Variants in PCDHGA6 observed in about 807,000 individuals in gnomAD.
PCDHGA6 encodes protocadherin gamma-A6.
In PCDHGA6, 41 loss-of-function variants were observed where a neutral mutation model predicts 60.6. That is an observed-to-expected ratio of 0.68 (90% CI 0.53 to 0.88). PCDHGA6 has a LOEUF of 0.88. PCDHGA6 is among the 40% of genes least tolerant of loss of function. PCDHGA6 has a pLI of 0.00. For synonymous variants in PCDHGA6, 594 were observed against 524.4 expected, an observed-to-expected ratio of 1.13 and a Z score of -1.81; for missense variants, 1,312 against 1,203.0, an observed-to-expected ratio of 1.09 and a Z score of -1.34.
At chr5:141,472,980 CAAAA>C (rs60579131) in intron 1 of PCDHGA6, among the ~76,000 whole-genome samples, 3 of 86,106 alleles carry the variant, frequency 3.5e-5, no homozygotes, top group Admixed American at 1.2e-4. Context: ...GAGTGAAACT[CAAAA>C]AAAAAAAAAA....
intron 1 of PCDHGA6, chr5:141,421,165 T>C: frequency 7.7e-7 from 1 of 1,297,018 alleles, no homozygotes; most frequent in Non-Finnish European, 1.0e-6. Flanking sequence ...ACTTCATAGA[T>C]ACATAAGCCG....
chr5:141,467,321 G>A (rs2099141786), intron 1 of PCDHGA6, among the ~76,000 whole-genome samples: 2 of 152,024 alleles, frequency 1.3e-5, no homozygotes, highest in East Asian at 1.9e-4. Context: ...CCACAGTGCT[G>A]GGATTAGAGA....
chr5:141,385,024 C>T lies in PCDHGA6; in HGVS notation c.2424+8517C>T, dbSNP rs756021455. 5.6e-6 allele frequency: 9 copies of T among 1,614,158 alleles called. No individual in the cohort carries two copies. In the East Asian group the frequency reaches 1.1e-4, roughly 20 times the overall value. ...CTCCTGCGTCTTCCTAGCCTTCGTC[C>T]TCGTACTGCTGGCGCTCAGGCTGCG... On this transcript the variant is annotated intron_variant, in intron 1 of 3. Coordinates refer to ENST00000517434, the MANE Select transcript of PCDHGA6 (RefSeq NM_018919.3).
chr5:141,464,093 C>T (rs1029458289), intron 1 of PCDHGA6, among the ~76,000 whole-genome samples: 1 of 151,888 alleles, frequency 6.6e-6, no homozygotes, highest in Non-Finnish European at 1.5e-5. Context: ...GGTGAAACTC[C>T]GTCTCTACTA....
rs778308894 is a variant in PCDHGA6, at chr5:141,374,907, G to T, written c.824G>T (p.Gly275Val). Residue 275 changes from glycine to valine, a missense_variant, in exon 1 of 4, where the codon GGG becomes GTG. Physicochemically the swap from Gly to Val is moderately radical, Grantham distance 109. Transcript: ENST00000517434. Reference sequence around the variant, plus strand: ...ACCGACCAGGATGAAGGAGTCCACGGGGAAGTAACTTATTCCTTTGTGAAG... The same window carrying T: ...ACCGACCAGGATGAAGGAGTCCACGTGGAAGTAACTTATTCCTTTGTGAAG... ...TATDQDEGVH[G>V]EVTYSFVKIT... The T allele has an allele frequency of 6.2e-7, 1 of 1,613,828 alleles. No individual in the cohort carries two copies. The highest frequency in any genetic ancestry group is 8.5e-7 in the Non-Finnish European group (1 of 1,179,894).
intron 3 of PCDHGA6, 86 bp downstream of exon 3, chr5:141,505,567 T>C: frequency 6.3e-7 from 1 of 1,599,440 alleles, no homozygotes; most frequent in South Asian, 1.1e-5. Flanking sequence ...ACGGACTGGA[T>C]GTCAAACCTG....
chr5:141,462,242 G>A (rs1325040495), intron 1 of PCDHGA6, among the ~76,000 whole-genome samples: 3 of 152,234 alleles, frequency 2.0e-5, no homozygotes, highest in Non-Finnish European at 4.4e-5. Context: ...TTACAGGTAT[G>A]AGCCACCATG....
intron 1 of PCDHGA6, among the ~76,000 whole-genome samples, chr5:141,467,055 C>CTTT (rs1193465269): frequency 2.2e-5 from 3 of 134,494 alleles, no homozygotes; most frequent in Admixed American, 7.5e-5. Context: ...TCAATGTTTT[C>CTTT]TTTTTTTTTT....
chr5:141,499,563 A>C (rs979866448), intron 2 of PCDHGA6, among the ~76,000 whole-genome samples: 3 of 152,242 alleles, frequency 2.0e-5, no homozygotes, highest in Non-Finnish European at 2.9e-5. Context: ...ACCACTATCC[A>C]GCTTCAACTA....
chr5:141,455,377 CAGAA>C (rs2098820699), intron 1 of PCDHGA6, among the ~76,000 whole-genome samples: 1 of 151,970 alleles, frequency 6.6e-6, no homozygotes, highest in Admixed American at 6.6e-5. Flanking sequence ...AGGGAGAAGA[CAGAA>C]GGAAGGAGCT....
intron 1 of PCDHGA6, chr5:141,409,079 T>C (rs2095221320): frequency 2.5e-6 from 4 of 1,613,908 alleles, no homozygotes; most frequent in Non-Finnish European, 3.4e-6. Context: ...ACATATGTTC[T>C]CATTGGATGA....
chr5:141,453,752 T>C (rs1404363977), intron 1 of PCDHGA6, among the ~76,000 whole-genome samples: 10 of 152,364 alleles, frequency 6.6e-5, no homozygotes, highest in Admixed American at 5.9e-4. Flanking sequence ...AACATAAGTC[T>C]CCTAAAAATA....
In PCDHGA6 at chr5:141,511,477, C is replaced by A; in HGVS notation, c.*304C>A. 2.1e-6 allele frequency: 1 copy of A among 482,262 alleles called. No homozygotes were observed. The allele number at this position is 482,262 out of a possible 1,614,324, so 29.9% of individuals were successfully genotyped here. A position where few individuals can be genotyped will look rare whatever the true frequency, so the allele number is the denominator to read the frequency against. On this transcript the variant is annotated 3_prime_UTR_variant, in exon 4 of 4. Coordinates refer to ENST00000517434, the MANE Select transcript of PCDHGA6 (RefSeq NM_018919.3). ...TTTGCCACACCCCGTTTAGTTACAG[C>A]TGAACTCCTCCATCTTCCAAATCAA...
intron 1 of PCDHGA6, among the ~76,000 whole-genome samples, chr5:141,386,520 G>T (rs976508801): frequency 0.014 from 2 of 142 alleles, no homozygotes; most frequent in Non-Finnish European, 0.032. Flanking sequence ...TTCAAAAAAA[G>T]ACTCTTTTTA....
rs934674909 is a variant in PCDHGA6, at chr5:141,511,083, A to C, written c.2709A>C (p.Thr903=). Residue 903 remains threonine, a synonymous_variant, in exon 4 of 4, where the codon ACA becomes ACC. Transcript: ENST00000517434. The part of the protein sequence containing the change: ...QNVYIPGSNA[T]LTNAAGKRDG... Reference sequence around the variant, plus strand: ...TCTACATCCCAGGCAGCAATGCCACACTGACCAACGCAGCTGGCAAGCGGG... The same window carrying C: ...TCTACATCCCAGGCAGCAATGCCACCCTGACCAACGCAGCTGGCAAGCGGG... 1.2e-6 allele frequency: 2 copies of C among 1,614,108 alleles called. No homozygotes were observed. Among genetic ancestry groups the C allele is most frequent in the African/African-American group, 2.7e-5 (2 of 74,940 alleles).
intron 1 of PCDHGA6, chr5:141,428,598 C>T (rs2097150047): frequency 4.5e-6 from 1 of 224,296 alleles, no homozygotes; most frequent in African/African-American, 2.3e-5. Context: ...TAGCAAGCTT[C>T]ACTGAAGAGA....
intron 1 of PCDHGA6, chr5:141,384,886 G>T: frequency 6.2e-7 from 1 of 1,613,822 alleles, no homozygotes. Context: ...ACTCACCGTG[G>T]CTGTGGCTGA....
intron 1 of PCDHGA6, chr5:141,392,630 C>T (rs1431794812): frequency 1.7e-6 from 1 of 602,802 alleles, no homozygotes; most frequent in African/African-American, 1.9e-5. Context: ...ACACTCAGAT[C>T]TCACACCTCA....
chr5:141,457,410 C>G (rs746966828), intron 1 of PCDHGA6, among the ~76,000 whole-genome samples: 1 of 152,182 alleles, frequency 6.6e-6, no homozygotes, highest in Non-Finnish European at 1.5e-5. Context: ...TTTCACATTA[C>G]CCATCCCTTT....
Sources: allele counts gnomAD v4.1 joint callset (sites outside exome capture counted in the v4.1 genomes callset), GRCh38; gene constraint gnomAD v4.1.1; transcripts MANE v1.5; gene names NCBI Gene and HGNC (gene_info 2026-07-23, HGNC 2026-07-21).